The following INSL6 variants were observed in gnomAD, a reference collection of about 807,000 sequenced individuals.
INSL6 encodes the protein insulin-like peptide INSL6.
Under a neutral mutation model 9.4 loss-of-function variants are expected in INSL6, and 16 were observed. The observed-to-expected ratio is 1.70, with a 90% CI of 1.15 to 2.59. The LOEUF is 2.59. INSL6 is among the 30% of genes most tolerant of loss of function. The probability of loss-of-function intolerance (pLI) is 0.00; values close to 1 mark genes in which losing one functional copy is unlikely to be tolerated. For synonymous variants in INSL6, 154 were observed against 96.9 expected, an observed-to-expected ratio of 1.59 and a Z score of -3.46; for missense variants, 391 against 257.3, an observed-to-expected ratio of 1.52 and a Z score of -3.56.
chr9:5,020,552 G>T, the INSL6 span, among the ~76,000 whole-genome samples: 1 of 152,152 alleles, frequency 6.6e-6, no homozygotes, highest in Non-Finnish European at 1.5e-5. Context: ...GGGAGCAGTT[G>T]TAGGGAGTTG....
chr9:5,006,773 T>C, the INSL6 span, among the ~76,000 whole-genome samples: 1 of 152,148 alleles, frequency 6.6e-6, no homozygotes, highest in East Asian at 1.9e-4. Context: ...CCTCTAACAC[T>C]GAAGATCATA....
At chr9:5,078,289 G>A in the INSL6 span, 2 of 1,603,660 alleles carry the variant, frequency 1.2e-6, no homozygotes. Context: ...GAATATATGT[G>A]CGTTTAACTC....
chr9:4,992,030 T>C, the INSL6 span, among the ~76,000 whole-genome samples: 32,735 of 152,132 alleles, frequency 0.22, 3,888 homozygotes, highest in Middle Eastern at 0.35. Context: ...GGGTCAGTAA[T>C]TGAGACAGGG....
chr9:5,131,981 A>C (rs1236565344), intron 3 of INSL6: 1 of 152,066 alleles, frequency 6.6e-6, no homozygotes. Context: ...TGTGAATCTC[A>C]TGGTACCACT....
chr9:5,179,653 A>G (rs1398079162), intron 1 of INSL6, among the ~76,000 whole-genome samples: 1 of 152,246 alleles, frequency 6.6e-6, no homozygotes, highest in Non-Finnish European at 1.5e-5. Flanking sequence ...ACCATGGAAT[A>G]CTATGCAGCT....
chr9:5,076,790 A>AT, the INSL6 span, among the ~76,000 whole-genome samples: 1 of 152,266 alleles, frequency 6.6e-6, no homozygotes, highest in African/African-American at 2.4e-5. Context: ...ACATTTTTTC[A>AT]TATCTTTGAA....
chr9:5,111,901 G>A, the INSL6 span: 2 of 354,716 alleles, frequency 5.6e-6, no homozygotes, highest in South Asian at 2.1e-5. Context: ...GGACGCCCTC[G>A]GGAAGGCCTG....
the INSL6 span, among the ~76,000 whole-genome samples, chr9:5,058,043 T>A: frequency 6.6e-6 from 1 of 152,184 alleles, no homozygotes; most frequent in East Asian, 1.9e-4. Flanking sequence ...TTAATATATG[T>A]ATGTATTCTG....
chr9:5,159,356 T>C (rs1046056384), downstream of INSL6, among the ~76,000 whole-genome samples: 1 of 16,116 alleles, frequency 6.2e-5, no homozygotes, highest in African/African-American at 2.8e-4. Flanking sequence ...AGTGTCAGAA[T>C]GGATTTTTTT....
rs1450203028 is a variant in INSL6, at chr9:5,185,408, A to C, written c.195T>G (p.Ile65Met). 2.2e-5 allele frequency: 36 copies of C among 1,614,030 alleles called. No homozygotes were observed. Among genetic ancestry groups the C allele is most frequent in the Non-Finnish European group, 3.0e-5 (35 of 1,180,028 alleles). The part of the protein sequence containing the change: ...FEEETPFSRL[I>M]AQASEKVEAY... ...CTTCGACCTTCTCCGAGGCCTGTGC[A>C]ATCAACCGTGAGAAAGGGGTTTCCT... Residue 65 changes from isoleucine (I) to methionine (M), a missense_variant, in exon 1 of 2, where the codon ATT (isoleucine) becomes ATG (methionine). Ile to Met is a conservative substitution (Grantham distance 10). Coordinates refer to ENST00000381641, the MANE Select transcript of INSL6 (RefSeq NM_007179.3).
chr9:5,178,232 G>T (rs1358579139), intron 1 of INSL6, among the ~76,000 whole-genome samples: 1 of 152,102 alleles, frequency 6.6e-6, no homozygotes, highest in African/African-American at 2.4e-5. Context: ...CCTCCTTGTA[G>T]GGGCTTCAGC....
chr9:5,171,987 A>T (rs192139983), intron 1 of INSL6, among the ~76,000 whole-genome samples: 2 of 152,302 alleles, frequency 1.3e-5, no homozygotes, highest in Admixed American at 1.3e-4. Flanking sequence ...GAAACTATTT[A>T]AAAAGTCGTA....
the INSL6 span, among the ~76,000 whole-genome samples, chr9:5,023,064 T>C: frequency 4.0e-3 from 609 of 152,346 alleles, 4 homozygotes; most frequent in African/African-American, 0.014. Flanking sequence ...TACATTGTTG[T>C]TAACTATAGT....
At chr9:5,059,463 T>C in the INSL6 span, among the ~76,000 whole-genome samples, 38 of 152,292 alleles carry the variant, frequency 2.5e-4, no homozygotes, top group African/African-American at 8.7e-4. Context: ...ATGTATTCTG[T>C]TGATGGACAT....
the INSL6 span, among the ~76,000 whole-genome samples, chr9:4,997,297 G>T: frequency 6.6e-6 from 1 of 152,128 alleles, no homozygotes; most frequent in Non-Finnish European, 1.5e-5. Flanking sequence ...AAAGAAAAGA[G>T]ATTTAATTGG....
chr9:5,126,774 G>C, intron 3 of INSL6: 1 of 1,605,614 alleles, frequency 6.2e-7, no homozygotes, highest in African/African-American at 1.3e-5. Flanking sequence ...TCAAATAAGG[G>C]ATAACATGGC....
chr9:5,004,256 G>A, the INSL6 span, among the ~76,000 whole-genome samples: 16 of 152,000 alleles, frequency 1.1e-4, no homozygotes, highest in Non-Finnish European at 1.8e-4. Flanking sequence ...CAGAAATTTC[G>A]TATCCTTTGA....
the INSL6 span, among the ~76,000 whole-genome samples, chr9:5,040,047 A>G: frequency 1.8e-4 from 27 of 152,322 alleles, no homozygotes; most frequent in African/African-American, 6.3e-4. Flanking sequence ...TATACTTCCT[A>G]ATTACAAAAT....
At chr9:5,046,031 A>G in the INSL6 span, among the ~76,000 whole-genome samples, 2 of 152,288 alleles carry the variant, frequency 1.3e-5, no homozygotes, top group South Asian at 4.1e-4. Flanking sequence ...CAATTTCTCA[A>G]CATCCTCAAC....
Sources: allele counts gnomAD v4.1 joint callset (sites outside exome capture counted in the v4.1 genomes callset), GRCh38; gene constraint gnomAD v4.1.1; transcripts MANE v1.5; gene names NCBI Gene and HGNC (gene_info 2026-07-23, HGNC 2026-07-21).